Variants in CCDC134 observed in about 807,000 individuals in gnomAD.
CCDC134 encodes coiled-coil domain containing 134.
CCDC134 carries 27 observed loss-of-function variants against 25.6 expected under a neutral mutation model. That is an observed-to-expected ratio of 1.05 (90% CI 0.78 to 1.45). The LOEUF (loss-of-function observed/expected upper bound fraction) is 1.45. Ranked by LOEUF, CCDC134 falls within the 40% of genes most tolerant of loss-of-function variation. The pLI, the probability that CCDC134 is intolerant of heterozygous loss-of-function variation, is 0.00. For missense variants in CCDC134, 261 were observed against 286.7 expected (o/e 0.91, Z 0.65); for synonymous variants, 110 against 115.0 (o/e 0.96, Z 0.28).
chr22:41,801,811 G>T (rs1443527648), intron 1 of CCDC134, among the ~76,000 whole-genome samples: 1 of 152,156 alleles, frequency 6.6e-6, no homozygotes, highest in African/African-American at 2.4e-5. Context: ...CTAAAAAAAT[G>T]ATGTTTACTT....
chr22:41,809,436 C>T (rs2076583644), intron 2 of CCDC134, among the ~76,000 whole-genome samples: 1 of 152,138 alleles, frequency 6.6e-6, no homozygotes, highest in African/African-American at 2.4e-5. Context: ...TACTCTGTGA[C>T]CAGTGCTCTG....
chr22:41,807,683 A>G (rs1007875725), intron 1 of CCDC134, among the ~76,000 whole-genome samples: 5 of 152,224 alleles, frequency 3.3e-5, no homozygotes, highest in African/African-American at 1.2e-4. Flanking sequence ...GCAGCAATGT[A>G]TGTCCTGGGA....
chr22:41,815,490 C>T (rs1416960055), intron 6 of CCDC134, among the ~76,000 whole-genome samples: 2 of 152,036 alleles, frequency 1.3e-5, no homozygotes, highest in African/African-American at 2.4e-5. Flanking sequence ...CAAGCGTGAG[C>T]CACCGCACCC....
Position 41,825,576 on chromosome 22 carries a change from G to A in CCDC134, c.565-122G>A, listed in dbSNP as rs982132490. On this transcript the variant is annotated intron_variant, in intron 6 of 6. Transcript: ENST00000255784. This position sits in a 1 kb window ranked among gnomAD's most constrained non-coding sequence, Gnocchi z 4.4. ...TCTCCCAAACCCATTTCCTGTCTCC[G>A]TGTCTGGGGCAGGGCCTGTGTCCAG... is the stretch of plus-strand genomic sequence containing the variant. 2.0e-5 allele frequency: 26 copies of A among 1,289,376 alleles called. No individual in the cohort carries two copies. The highest frequency in any genetic ancestry group is 7.2e-5 in the East Asian group (3 of 41,654). 79.9% of individuals were successfully genotyped at this position (1,289,376 alleles called of 1,614,324 possible). A position where few individuals can be genotyped will look rare whatever the true frequency, so the allele number is the denominator to read the frequency against.
intron 1 of CCDC134, among the ~76,000 whole-genome samples, chr22:41,807,773 G>A (rs1231745455): frequency 6.6e-6 from 1 of 152,004 alleles, no homozygotes. Flanking sequence ...TGTAATCCCA[G>A]TATTTGGGAG....
intron 6 of CCDC134, among the ~76,000 whole-genome samples, chr22:41,822,132 G>T (rs1304934068): frequency 6.6e-6 from 1 of 152,106 alleles, no homozygotes; most frequent in Non-Finnish European, 1.5e-5. Context: ...TTGTTGTCAG[G>T]GACAGGCAGA....
intron 6 of CCDC134, among the ~76,000 whole-genome samples, chr22:41,820,424 T>C (rs2076645905): frequency 6.6e-6 from 1 of 152,116 alleles, no homozygotes. Flanking sequence ...CTCAGCCTCC[T>C]GAGTAGCTAG....
rs757006094 is a variant in CCDC134 at position 41,809,010 on chromosome 22, T to C, written c.103+17T>C. The C allele has an allele frequency of 5.0e-6, 8 of 1,592,722 alleles. No individual in the cohort carries two copies. The highest frequency in any genetic ancestry group is 2.2e-5 in the East Asian group (1 of 44,770). The stretch of plus-strand genomic sequence containing the variant: ...TGGAGATCTGTATCCTTTGGGGTTG[T>C]AGTTAATGAGCTGTCTTTGAGAGGT... On this transcript the variant is annotated intron_variant, in intron 2 of 6. Transcript: ENST00000255784.
rs115356305 is a variant in CCDC134, at chr22:41,809,039, T to C, written c.103+46T>C. 1.9e-4 allele frequency: 280 copies of C among 1,477,636 alleles called. 1 individual carries two copies. In the African/African-American group the frequency reaches 3.6e-3, roughly 19 times the overall value. The allele number at this position is 1,477,636 out of a possible 1,614,324, so 91.5% of individuals were successfully genotyped here. A position where few individuals can be genotyped will look rare whatever the true frequency, so the allele number is the denominator to read the frequency against. On this transcript the variant is annotated intron_variant, in intron 2 of 6. Transcript: ENST00000255784. ...TAATGAGCTGTCTTTGAGAGGTCTATAAATGAGGTTCTTCTACTCAGGGAT... is the reference window on the plus strand; with the variant it reads ...TAATGAGCTGTCTTTGAGAGGTCTACAAATGAGGTTCTTCTACTCAGGGAT...
intron 6 of CCDC134, among the ~76,000 whole-genome samples, chr22:41,818,955 C>T (rs2076635493): frequency 1.3e-5 from 2 of 152,212 alleles, no homozygotes; most frequent in African/African-American, 2.4e-5. Context: ...AGGGTGACAG[C>T]ATAGGCCACA....
chr22:41,814,172 C>T (rs2076611650), intron 6 of CCDC134, among the ~76,000 whole-genome samples: 2 of 152,192 alleles, frequency 1.3e-5, no homozygotes, highest in African/African-American at 4.8e-5. Context: ...CCTCTGAGCA[C>T]CAACTGGGCT....
chr22:41,809,121 G>C (rs1004198872), intron 2 of CCDC134, 128 bp downstream of exon 2: 58 of 704,572 alleles, frequency 8.2e-5, no homozygotes, highest in Non-Finnish European at 1.3e-4. Flanking sequence ...AGGTGCTCTA[G>C]CCAGACCTTG....
intron 6 of CCDC134, among the ~76,000 whole-genome samples, chr22:41,823,646 C>T (rs973632406): frequency 1.3e-5 from 2 of 152,214 alleles, no homozygotes; most frequent in African/African-American, 4.8e-5. Context: ...TCCATTTAGT[C>T]CCGTTCAGGG....
In CCDC134 at chr22:41,801,516, G is replaced by A. The variant is rs114345344; in HGVS notation, c.-17+750G>A. On this transcript the variant is annotated intron_variant, in intron 1 of 6. Transcript: ENST00000255784. ...CCTGGGAATAGCTGTGTGACTTTGG[G>A]CAGTCACCTCATTTTTCTGTGCCTT... Among the ~76,000 whole-genome samples the A allele has an allele frequency of 4.7e-3, 723 of 152,220 alleles. 3 individuals carry two copies. The highest frequency in any genetic ancestry group is 0.017 in the African/African-American group (688 of 41,528).
intron 6 of CCDC134, among the ~76,000 whole-genome samples, chr22:41,815,671 T>A (rs987411080): frequency 3.9e-5 from 6 of 152,050 alleles, no homozygotes; most frequent in African/African-American, 1.4e-4. Flanking sequence ...ATTTTTTTTA[T>A]AGACAGGGTC....
rs1488049149 is a variant in CCDC134 at position 41,826,592 on chromosome 22, G to C, written c.*769G>C. On this transcript the variant is annotated 3_prime_UTR_variant, in exon 7 of 7. Coordinates refer to ENST00000255784, the MANE Select transcript of CCDC134 (RefSeq NM_024821.5). ...GGGACAGTCATTGAGCAAGCACAGGGAAGTCAGCTTGTTCTCTCTGGCAGC... is the reference window on the plus strand; with the variant it reads ...GGGACAGTCATTGAGCAAGCACAGGCAAGTCAGCTTGTTCTCTCTGGCAGC... Among the ~76,000 whole-genome samples the C allele has an allele frequency of 6.6e-6, 1 of 152,366 alleles. No individual in the cohort carries two copies. Among genetic ancestry groups the C allele is most frequent in the East Asian group, 1.9e-4 (1 of 5,182 alleles).
chr22:41,822,629 G>A (rs2076657758), intron 6 of CCDC134, among the ~76,000 whole-genome samples: 1 of 152,214 alleles, frequency 6.6e-6, no homozygotes, highest in Non-Finnish European at 1.5e-5. Flanking sequence ...GCTAGGTTAG[G>A]CTGAGCCTGC....
intron 1 of CCDC134, among the ~76,000 whole-genome samples, chr22:41,803,988 C>T (rs1203718066): frequency 1.3e-5 from 2 of 151,784 alleles, no homozygotes; most frequent in Non-Finnish European, 2.9e-5. Flanking sequence ...AAAAAATTAC[C>T]CGGGCGTGGT....
chr22:41,804,999 G>A (rs1224591187), intron 1 of CCDC134, among the ~76,000 whole-genome samples: 3 of 152,252 alleles, frequency 2.0e-5, no homozygotes, highest in African/African-American at 2.4e-5. Flanking sequence ...GAACCTGGGA[G>A]GTGGAGGTTG....
Sources: allele counts gnomAD v4.1 joint callset (sites outside exome capture counted in the v4.1 genomes callset), GRCh38; gene constraint gnomAD v4.1.1; non-coding constraint Gnocchi (gnomAD v3.1); transcripts MANE v1.5; gene names NCBI Gene and HGNC (gene_info 2026-07-23, HGNC 2026-07-21).